Variants in ZC2HC1B observed in about 807,000 individuals in gnomAD.
ZC2HC1B encodes zinc finger C2HC domain-containing protein 1B.
In ZC2HC1B, 36 loss-of-function variants were observed where a neutral mutation model predicts 31.0. The ratio of observed to expected loss-of-function variants is 1.16; its 90% CI spans 0.89 to 1.54. The LOEUF is 1.54. ZC2HC1B is among the 40% of genes most tolerant of loss of function. The pLI is 0.00. For synonymous variants in ZC2HC1B, 73 were observed against 88.0 expected (o/e 0.83, Z 0.95); for missense variants, 260 against 268.6 (o/e 0.97, Z 0.22).
At chr6:143,910,689 G>A (rs535394397) in intron 6 of ZC2HC1B, among the ~76,000 whole-genome samples, 6 of 152,256 alleles carry the variant, frequency 3.9e-5, no homozygotes, top group African/African-American at 1.2e-4. Context: ...AGCTCTTCTT[G>A]TTGAATTGAA....
chr6:143,906,174 G>A (rs1229485025), intron 6 of ZC2HC1B, among the ~76,000 whole-genome samples: 1 of 152,212 alleles, frequency 6.6e-6, no homozygotes, highest in East Asian at 1.9e-4. Flanking sequence ...GCATTTTAAT[G>A]TCATGAGATT....
intron 4 of ZC2HC1B, among the ~76,000 whole-genome samples, chr6:143,896,024 T>G (rs1320926952): frequency 6.6e-6 from 1 of 152,226 alleles, no homozygotes; most frequent in East Asian, 1.9e-4. Context: ...TCTCAAAATA[T>G]GTGAAGTTCA....
At position 143,908,817 on chromosome 6, in the gene ZC2HC1B, A is replaced by C. The variant is rs1777825953; in HGVS notation, c.598+5665A>C. On this transcript the variant is annotated intron_variant, in intron 6 of 7. Coordinates refer to ENST00000237275, the MANE Select transcript of ZC2HC1B (RefSeq NM_001013623.3). The surrounding 1 kb of genome is among the most constrained non-coding windows in gnomAD (Gnocchi z 4.4). Reference sequence around the variant, plus strand: ...GGACAGAACTTCCAGTACTATGTTCAATAGGAGTGGTGAGAGAGGGCCTCT... The same window carrying C: ...GGACAGAACTTCCAGTACTATGTTCCATAGGAGTGGTGAGAGAGGGCCTCT... 6.6e-6 allele frequency among the ~76,000 whole-genome samples: 1 copy of C among 152,158 alleles called. No individual in the cohort carries two copies. The highest frequency in any genetic ancestry group is 2.4e-5 in the African/African-American group (1 of 41,432).
At chr6:143,876,793 G>C (rs775967118) in intron 1 of ZC2HC1B, among the ~76,000 whole-genome samples, 6 of 150,506 alleles carry the variant, frequency 4.0e-5, no homozygotes, top group Non-Finnish European at 7.4e-5. Context: ...CAGCACAGGA[G>C]AAAGGTGTAG....
chr6:143,898,517 TG>T (rs1426272005), intron 4 of ZC2HC1B, 34 bp from the exon 5 acceptor site: 2 of 1,548,524 alleles, frequency 1.3e-6, no homozygotes, highest in Non-Finnish European at 8.7e-7. Context: ...GTTTTTGAAG[TG>T]CTAATTGCCA....
rs976951785 is a variant in ZC2HC1B at position 143,895,162 on chromosome 6, G to A, written c.350-3390G>A. On this transcript the variant is annotated intron_variant, in intron 4 of 7. Transcript: ENST00000237275. The surrounding 1 kb of genome is among the most constrained non-coding windows in gnomAD (Gnocchi z 4.8). The stretch of plus-strand genomic sequence containing the variant: ...GTTCTAGAGAATTTATTTGTTTTTT[G>A]TTGTTGTTGTTGTTTTTGAGACAGA... 6.6e-6 allele frequency among the ~76,000 whole-genome samples: 1 copy of A among 151,860 alleles called. No homozygotes were observed. Among genetic ancestry groups the A allele is most frequent in the African/African-American group, 2.4e-5 (1 of 41,252 alleles).
At chr6:143,902,993 A>C in intron 5 of ZC2HC1B, 51 bp from the exon 6 acceptor site, 2 of 1,519,592 alleles carry the variant, frequency 1.3e-6, no homozygotes, top group Non-Finnish European at 1.8e-6. Flanking sequence ...GTGGCACCTG[A>C]GGTTACATAC....
chr6:143,875,332 CA>C (rs1777392747), intron 1 of ZC2HC1B, among the ~76,000 whole-genome samples: 3 of 151,332 alleles, frequency 2.0e-5, no homozygotes, highest in Non-Finnish European at 4.4e-5. Context: ...GTGACTAATC[CA>C]CTCCACCATC....
At chr6:143,936,153 C>A (rs909425840) in intron 6 of ZC2HC1B, among the ~76,000 whole-genome samples, 3 of 152,142 alleles carry the variant, frequency 2.0e-5, no homozygotes, top group African/African-American at 7.2e-5. Flanking sequence ...TACAAGTCAA[C>A]AGCCTTATTG....
chr6:143,916,923 T>A (rs1043829605), intron 6 of ZC2HC1B, among the ~76,000 whole-genome samples: 1 of 152,180 alleles, frequency 6.6e-6, no homozygotes, highest in African/African-American at 2.4e-5. Context: ...CTGAAATGAG[T>A]TAAGACTTTG....
In ZC2HC1B at chr6:143,899,264, A is replaced by G. The variant is rs963502648; in HGVS notation, c.489+573A>G. Among the ~76,000 whole-genome samples the G allele has an allele frequency of 6.6e-6, 1 of 152,244 alleles. No individual in the cohort carries two copies. The highest frequency in any genetic ancestry group is 2.4e-5 in the African/African-American group (1 of 41,478). ...AGAACTGGAGCCAGCAAACAGCACCATACAGTCGAAGGTCTCAGGTACATA... is the reference window on the plus strand; with the variant it reads ...AGAACTGGAGCCAGCAAACAGCACCGTACAGTCGAAGGTCTCAGGTACATA... On this transcript the variant is annotated intron_variant, in intron 5 of 7. Transcript: ENST00000237275. The surrounding 1 kb of genome is among the most constrained non-coding windows in gnomAD (Gnocchi z 5.0).
intron 4 of ZC2HC1B, among the ~76,000 whole-genome samples, chr6:143,894,034 C>G (rs1290536502): frequency 6.6e-6 from 1 of 152,160 alleles, no homozygotes; most frequent in Non-Finnish European, 1.5e-5. Flanking sequence ...GCCTATAAAG[C>G]AATTCCATTT....
chr6:143,907,583 G>C (rs1390822579), intron 6 of ZC2HC1B, among the ~76,000 whole-genome samples: 1 of 152,158 alleles, frequency 6.6e-6, no homozygotes, highest in Non-Finnish European at 1.5e-5. Flanking sequence ...GTCTTCTTTT[G>C]AGAAGTGTCT....
At chr6:143,898,756 C>A (rs1777702003) in intron 5 of ZC2HC1B, 65 bp downstream of exon 5, 3 of 1,534,688 alleles carry the variant, frequency 2.0e-6, no homozygotes, top group Admixed American at 2.0e-5. Flanking sequence ...GCCGGTAGAA[C>A]TCCCTAGAGA....
At chr6:143,876,834 C>T (rs1165503270) in intron 1 of ZC2HC1B, among the ~76,000 whole-genome samples, 1 of 150,106 alleles carries the variant, frequency 6.7e-6, no homozygotes, top group Admixed American at 6.6e-5. Context: ...TAGTTTTTTT[C>T]GTATTTTTCT....
intron 6 of ZC2HC1B, among the ~76,000 whole-genome samples, chr6:143,928,696 T>C (rs762713750): frequency 5.3e-5 from 8 of 152,186 alleles, no homozygotes; most frequent in Admixed American, 1.3e-4. Flanking sequence ...TTTAACAACA[T>C]TGATTCTTCT....
chr6:143,925,596 G>A (rs552549439), intron 6 of ZC2HC1B, among the ~76,000 whole-genome samples: 53 of 148,140 alleles, frequency 3.6e-4, no homozygotes, highest in African/African-American at 1.3e-3. Flanking sequence ...AAGTGTAGTG[G>A]CGCGATCTCG....
chr6:143,929,302 A>G (rs1043582887), intron 6 of ZC2HC1B, among the ~76,000 whole-genome samples: 25 of 152,300 alleles, frequency 1.6e-4, no homozygotes, highest in Admixed American at 1.4e-3. Flanking sequence ...AGGATGGTCA[A>G]TTTTATCAAA....
chr6:143,867,233 T>C (rs1487916198), intron 1 of ZC2HC1B, among the ~76,000 whole-genome samples: 2 of 152,192 alleles, frequency 1.3e-5, no homozygotes, highest in African/African-American at 4.8e-5. Flanking sequence ...CTGCATTAAG[T>C]ATTTCCTTCT....
Sources: allele counts gnomAD v4.1 joint callset (sites outside exome capture counted in the v4.1 genomes callset), GRCh38; gene constraint gnomAD v4.1.1; non-coding constraint Gnocchi (gnomAD v3.1); transcripts MANE v1.5; gene names NCBI Gene and HGNC (gene_info 2026-07-23, HGNC 2026-07-21).